The following GIGYF1 variants were observed in gnomAD, a reference collection of about 807,000 sequenced individuals.
The protein encoded by GIGYF1 is GRB10 interacting GYF protein 1, also known as GRB10-interacting GYF protein 1.
A neutral mutation model predicts 147.1 loss-of-function variants in GIGYF1; 84 were observed. The observed-to-expected ratio is 0.57, with a 90% CI of 0.48 to 0.68. The LOEUF is 0.68. Ranked by LOEUF, GIGYF1 falls within the 30% of genes least tolerant of loss-of-function variation. The pLI, the probability that GIGYF1 is intolerant of heterozygous loss-of-function variation, is 0.00. For missense variants in GIGYF1, 1,485 were observed against 1,393.7 expected, an observed-to-expected ratio of 1.07 and a Z score of -1.04; for synonymous variants, 752 against 589.5, an observed-to-expected ratio of 1.28 and a Z score of -3.99.
intron 2 of GIGYF1, 29 bp from the exon 3 acceptor site, chr7:100,688,544 G>A (rs1442091694): frequency 6.4e-6 from 4 of 622,252 alleles, no homozygotes; most frequent in South Asian, 1.5e-5. Flanking sequence ...TGGGAAGCTC[G>A]AGTCCTTTCG....
chr7:100,691,930 A>G (rs1466950962), intron 1 of GIGYF1, among the ~76,000 whole-genome samples: 1 of 152,266 alleles, frequency 6.6e-6, no homozygotes, highest in Non-Finnish European at 1.5e-5. Context: ...TCAGAACTCA[A>G]GAGAGAAAGA....
intron 23 of GIGYF1, 37 bp from the exon 24 acceptor site, chr7:100,682,519 T>C: frequency 1.2e-6 from 2 of 1,603,148 alleles, no homozygotes; most frequent in Non-Finnish European, 1.7e-6. Flanking sequence ...GGAAATCAGC[T>C]GGCAGGGGTT....
chr7:100,686,844 GTTA>G (rs1296221904), intron 9 of GIGYF1, 25 bp from the exon 10 acceptor site: 1 of 1,611,802 alleles, frequency 6.2e-7, no homozygotes, highest in African/African-American at 1.3e-5. Flanking sequence ...GACAGGGGCA[GTTA>G]TTAGAAAGGC....
chr7:100,686,443 A>G lies in GIGYF1; in HGVS notation c.695-10T>C, dbSNP rs561018678. On this transcript the variant is annotated splice_polypyrimidine_tract_variant and intron_variant, in intron 10 of 26. Coordinates refer to ENST00000678049, the MANE Select transcript of GIGYF1 (RefSeq NM_001375765.1). ...GAGCGGGGACCACCATCTGCACAGG[A>G]AAAGTCAGGGAGAAGAAGAGTGGGT... 3 of 1,576,484 alleles carry G rather than the reference A, an allele frequency of 1.9e-6. No individual in the cohort carries two copies. Among genetic ancestry groups the G allele is most frequent in the African/African-American group, 1.4e-5 (1 of 73,942 alleles).
chr7:100,682,628 G>A lies in GIGYF1; in HGVS notation c.2562C>T (p.Gly854=). 6.3e-7 allele frequency: 1 copy of A among 1,598,210 alleles called. No homozygotes were observed. Among genetic ancestry groups the A allele is most frequent in the African/African-American group, 1.3e-5 (1 of 74,906 alleles). Residue 854 remains glycine, a synonymous_variant, in exon 23 of 27, where the codon GGC becomes GGT. Coordinates refer to ENST00000678049, the MANE Select transcript of GIGYF1 (RefSeq NM_001375765.1). ...TGCTCCGGCTGTTCTTCAGGCCGAG[G>A]CCACGGACCAGGCTCCCGCCGCTCT... ...TPKSGGSLVR[G]LGLKNSRSSP...
intron 1 of GIGYF1, among the ~76,000 whole-genome samples, chr7:100,693,225 G>T (rs1004960641): frequency 6.6e-6 from 1 of 152,150 alleles, no homozygotes; most frequent in Non-Finnish European, 1.5e-5. Flanking sequence ...GTCTGACCGG[G>T]AATGCGAGTA....
rs374280612 is a variant in GIGYF1 at position 100,683,657 on chromosome 7, C to T, written c.1970-25G>A. 1.8e-4 allele frequency: 288 copies of T among 1,608,432 alleles called. 2 individuals carry two copies. In the Middle Eastern group the frequency reaches 6.9e-3, roughly 39 times the overall value. On this transcript the variant is annotated intron_variant, in intron 19 of 26. Coordinates refer to ENST00000678049, the MANE Select transcript of GIGYF1 (RefSeq NM_001375765.1). ...CCTGCAGGGGGCAGGGGGGCAGAGG[C>T]GGCTGCAGGTGGGCACTTGGGCCCA...
rs754382458 is a variant in GIGYF1, at chr7:100,688,074, G to C, written c.72C>G (p.Ser24=). 6.2e-7 allele frequency: 1 copy of C among 1,611,786 alleles called. No homozygotes were observed. Among genetic ancestry groups the C allele is most frequent in the East Asian group, 2.2e-5 (1 of 44,858 alleles). Reference sequence around the variant, plus strand: ...TGGGCATGGCAGGGGACGGGGGTGGGGAGGCCACGCTGCCGCCCCCGGACA... The same window carrying C: ...TGGGCATGGCAGGGGACGGGGGTGGCGAGGCCACGCTGCCGCCCCCGGACA... ...RALSGGGSVA[S]PPPSPAMPKY... The change falls in exon 5 of 27, where the codon TCC becomes TCG. Residue 24 remains serine (S), a synonymous_variant. Transcript: ENST00000678049.
chr7:100,690,403 G>T (rs1261388436), intron 1 of GIGYF1, among the ~76,000 whole-genome samples: 1 of 152,216 alleles, frequency 6.6e-6, no homozygotes, highest in African/African-American at 2.4e-5. Context: ...AGCACTGTGG[G>T]AGGCTTGAAG....
chr7:100,684,486 C>G lies in GIGYF1; in HGVS notation c.1593G>C (p.Val531=). The change falls in exon 16 of 27, where the codon GTG becomes GTC. Residue 531 remains valine, a synonymous_variant. Coordinates refer to ENST00000678049, the MANE Select transcript of GIGYF1 (RefSeq NM_001375765.1). The part of the protein sequence containing the change: ...LGEVIKMWGR[V]PFAPGPSPPP... ...GAGGTGAGGGCCCTGGGGCAAAGGG[C>G]ACGCGGCCCCACATCTTGATCACCT... The G allele has an allele frequency of 6.8e-6, 11 of 1,613,480 alleles. No individual in the cohort carries two copies. Among genetic ancestry groups the G allele is most frequent in the Non-Finnish European group, 9.3e-6 (11 of 1,180,004 alleles).
Position 100,679,849 on chromosome 7 carries a change from C to G in GIGYF1, c.*1870G>C, listed in dbSNP as rs1804557607. 6.6e-6 allele frequency: 1 copy of G among 152,478 alleles called. No homozygotes were observed. The highest frequency in any genetic ancestry group is 1.5e-5 in the Non-Finnish European group (1 of 68,004). The allele number at this position is 152,478 out of a possible 1,614,324, so 9.4% of individuals were successfully genotyped here. A position where few individuals can be genotyped will look rare whatever the true frequency, so the allele number is the denominator to read the frequency against. On this transcript the variant is annotated 3_prime_UTR_variant, in exon 27 of 27. Coordinates refer to ENST00000678049, the MANE Select transcript of GIGYF1 (RefSeq NM_001375765.1). ...TAAGGCCTCTCCAGGCTCATGGGCC[C>G]CCTAAGTCCAAAGTCTCTTTAGCTG...
intron 7 of GIGYF1, 23 bp from the exon 8 acceptor site, chr7:100,687,429 A>G: frequency 6.2e-7 from 1 of 1,611,884 alleles, no homozygotes; most frequent in East Asian, 2.2e-5. Context: ...CCAGACGCAC[A>G]ATGAAACCTG....
At position 100,683,833 on chromosome 7, in the gene GIGYF1, C is replaced by T; in HGVS notation, c.1954G>A (p.Ala652Thr). Residue 652 changes from alanine (A) to threonine (T), a missense_variant, in exon 19 of 27, where the codon GCC becomes ACC. By Grantham distance (58) the Ala-to-Thr change is moderately conservative. Coordinates refer to ENST00000678049, the MANE Select transcript of GIGYF1 (RefSeq NM_001375765.1). ...GGCCACACACCTGACTGTGATGAGG[C>T]TGAGGTATGTACGTCCCAGAGGCGG... ...SGRLWDVHTS[A>T]SSQSGGEASL... 1 of 1,573,568 alleles carries T rather than the reference C, an allele frequency of 6.4e-7. No homozygotes were observed. The highest frequency in any genetic ancestry group is 8.6e-7 in the Non-Finnish European group (1 of 1,158,786).
At chr7:100,690,665 C>T (rs569949326) in intron 1 of GIGYF1, among the ~76,000 whole-genome samples, 2 of 151,720 alleles carry the variant, frequency 1.3e-5, no homozygotes, top group Admixed American at 1.3e-4. Flanking sequence ...GCCTCTAATC[C>T]CAGCTACTCG....
rs1241519050 is a variant in GIGYF1, at chr7:100,684,013, C to G, written c.1868+7G>C. On this transcript the variant is annotated splice_region_variant and intron_variant, in intron 18 of 26. Coordinates refer to ENST00000678049, the MANE Select transcript of GIGYF1 (RefSeq NM_001375765.1). Reference sequence around the variant, plus strand: ...CTGTATCCTGAGGGCTCGCACGCACCACGCACCTGGGGGGTTTGAGCGCCT... The same window carrying G: ...CTGTATCCTGAGGGCTCGCACGCACGACGCACCTGGGGGGTTTGAGCGCCT... 1.9e-6 allele frequency: 3 copies of G among 1,603,354 alleles called. No homozygotes were observed. The highest frequency in any genetic ancestry group is 2.5e-6 in the Non-Finnish European group (3 of 1,178,680).
At chr7:100,685,534 G>A (rs572928987) in intron 12 of GIGYF1, 53 bp from the exon 13 acceptor site, 1,109 of 1,575,024 alleles carry the variant, frequency 7.0e-4, no homozygotes, top group Middle Eastern at 3.1e-3. Context: ...CCTGCCACGC[G>A]AGTTAGCACA....
chr7:100,688,156 A>C (rs1308347229), intron 4 of GIGYF1, 46 bp from the exon 5 acceptor site: 1 of 1,608,994 alleles, frequency 6.2e-7, no homozygotes, highest in African/African-American at 1.3e-5. Context: ...GGGCAGCCTG[A>C]CTGTGCTTTC....
chr7:100,685,298 C>T, intron 13 of GIGYF1, 46 bp downstream of exon 13: 1 of 1,547,694 alleles, frequency 6.5e-7, no homozygotes, highest in Non-Finnish European at 8.7e-7. Context: ...GCACTTTCTC[C>T]CACAGCCCCA....
intron 25 of GIGYF1, 23 bp downstream of exon 25, chr7:100,682,049 G>C (rs1231192265): frequency 2.5e-6 from 4 of 1,611,692 alleles, no homozygotes; most frequent in Non-Finnish European, 3.4e-6. Context: ...GCCCACCCCA[G>C]CTGCTGGTGC....
Sources: gnomAD v4.1 joint callset for allele counts (sites outside exome capture counted in the v4.1 genomes callset) on GRCh38, gnomAD v4.1.1 for gene constraint, MANE v1.5 for transcripts, NCBI Gene and HGNC (gene_info 2026-07-23, HGNC 2026-07-21) for gene names.